MYBL1: variants seen among roughly 807,000 people sequenced by gnomAD.
The protein encoded by MYBL1 is myb-related protein A.
In MYBL1, 17 loss-of-function variants were observed where a neutral mutation model predicts 96.3. The observed-to-expected ratio is 0.18, with a 90% CI of 0.12 to 0.26. The LOEUF (loss-of-function observed/expected upper bound fraction) is 0.26. Ranked by LOEUF, MYBL1 falls within the 10% of genes least tolerant of loss-of-function variation. MYBL1 has a pLI of 1.00. For missense variants in MYBL1, 701 were observed against 882.9 expected (o/e 0.79, Z 2.61); for synonymous variants, 282 against 292.7 (o/e 0.96, Z 0.37).
At chr8:66,597,825 G>A (rs1331848632) in intron 4 of MYBL1, among the ~76,000 whole-genome samples, 1 of 103,652 alleles carries the variant, frequency 9.6e-6, no homozygotes, top group East Asian at 3.3e-4. Context: ...GCTGAAACTT[G>A]TACATTTTCT....
intron 1 of MYBL1, among the ~76,000 whole-genome samples, chr8:66,604,137 C>G (rs184089493): frequency 6.6e-6 from 1 of 152,238 alleles, no homozygotes; most frequent in Admixed American, 6.5e-5. Context: ...AAAAGACCCA[C>G]ATGGAATTTG....
chr8:66,612,757 T>C, intron 1 of MYBL1, 62 bp downstream of exon 1: 9 of 1,335,244 alleles, frequency 6.7e-6, no homozygotes, highest in Non-Finnish European at 8.7e-6. Context: ...GGCAGCGGGA[T>C]AGGAAAGAGA....
intron 8 of MYBL1, among the ~76,000 whole-genome samples, chr8:66,584,955 C>T (rs1233872721): frequency 1.3e-5 from 2 of 151,882 alleles, no homozygotes; most frequent in African/African-American, 2.4e-5. Flanking sequence ...TGAAAATGAC[C>T]ATATTACCAA....
intron 8 of MYBL1, among the ~76,000 whole-genome samples, chr8:66,582,318 C>T (rs866352978): frequency 4.5e-4 from 69 of 151,858 alleles, no homozygotes; most frequent in African/African-American, 1.5e-3. Flanking sequence ...AAGACACATA[C>T]GGACTGAATG....
chr8:66,578,999 A>G (rs1214545803), intron 9 of MYBL1, among the ~76,000 whole-genome samples: 1 of 152,092 alleles, frequency 6.6e-6, no homozygotes, highest in African/African-American at 2.4e-5. Flanking sequence ...CAAACACTGC[A>G]TGTTCTCACT....
intron 9 of MYBL1, among the ~76,000 whole-genome samples, chr8:66,578,407 A>G (rs1017871137): frequency 6.6e-6 from 1 of 152,244 alleles, no homozygotes; most frequent in African/African-American, 2.4e-5. Flanking sequence ...AACCCTATCA[A>G]AAAGTGGGCA....
At chr8:66,575,651 G>C (rs771351249) in intron 10 of MYBL1, among the ~76,000 whole-genome samples, 3 of 152,058 alleles carry the variant, frequency 2.0e-5, no homozygotes, top group Non-Finnish European at 4.4e-5. Context: ...TTAGCTAGGT[G>C]TGGTGGCACG....
intron 8 of MYBL1, among the ~76,000 whole-genome samples, chr8:66,588,336 C>G (rs908319949): frequency 6.8e-6 from 1 of 148,022 alleles, no homozygotes; most frequent in Non-Finnish European, 1.5e-5. Context: ...CTGGAATGCA[C>G]TAGCCCGATC....
intron 4 of MYBL1, 126 bp from the exon 5 acceptor site, chr8:66,597,676 A>G: frequency 1.5e-6 from 1 of 647,644 alleles, no homozygotes; most frequent in African/African-American, 1.8e-5. Flanking sequence ...TTAAAAAAAA[A>G]TTACCAATAA....
At chr8:66,597,920 A>G (rs1179037430) in intron 4 of MYBL1, among the ~76,000 whole-genome samples, 1 of 151,608 alleles carries the variant, frequency 6.6e-6, no homozygotes, top group Admixed American at 6.6e-5. Flanking sequence ...GGAAGCAGAA[A>G]GATTCTACCA....
At chr8:66,600,941 C>A (rs1810042247) in intron 3 of MYBL1, among the ~76,000 whole-genome samples, 2 of 151,762 alleles carry the variant, frequency 1.3e-5, no homozygotes, top group Admixed American at 1.3e-4. Context: ...GAGGCCGAGG[C>A]AGTTAGATCA....
chr8:66,586,244 C>A (rs1208098915), intron 8 of MYBL1, among the ~76,000 whole-genome samples: 3 of 151,852 alleles, frequency 2.0e-5, no homozygotes, highest in African/African-American at 7.3e-5. Flanking sequence ...TGGGGTTTCA[C>A]CATGTTGCCC....
rs1246812801 is a variant in MYBL1, at chr8:66,562,244, T to C, written c.*2453A>G. On this transcript the variant is annotated 3_prime_UTR_variant, in exon 16 of 16. Transcript: ENST00000522677. ...CATTGTATGCAAGATTCTCTTACAA[T>C]GAAGTTTTCCATATATCACAAAACT... 1 of 152,654 alleles carries C rather than the reference T, an allele frequency of 6.6e-6. No individual in the cohort carries two copies. The highest frequency in any genetic ancestry group is 6.5e-5 in the Admixed American group (1 of 15,284). 9.5% of individuals were successfully genotyped at this position (152,654 alleles called of 1,614,324 possible).
intron 10 of MYBL1, 78 bp downstream of exon 10, chr8:66,575,929 T>G (rs1808920287): frequency 1.4e-6 from 2 of 1,415,748 alleles, no homozygotes; most frequent in South Asian, 2.8e-5. Context: ...AGCTACCAAC[T>G]GCTAGTAAGG....
At chr8:66,584,414 A>G (rs571573842) in intron 8 of MYBL1, among the ~76,000 whole-genome samples, 6 of 152,372 alleles carry the variant, frequency 3.9e-5, no homozygotes, top group African/African-American at 1.4e-4. Context: ...CAAAATGGAA[A>G]AAAGGAAGTC....
intron 12 of MYBL1, among the ~76,000 whole-genome samples, chr8:66,567,365 T>C (rs533801391): frequency 1.3e-5 from 2 of 152,368 alleles, no homozygotes; most frequent in African/African-American, 4.8e-5. Context: ...GCTCTTATTC[T>C]ACTTTTATTG....
At chr8:66,589,390 G>A (rs947428881) in intron 8 of MYBL1, among the ~76,000 whole-genome samples, 8 of 151,260 alleles carry the variant, frequency 5.3e-5, no homozygotes, top group Non-Finnish European at 7.4e-5. Context: ...ATAGCTCACC[G>A]CAGCCTCAAA....
chr8:66,600,131 C>CA (rs2129996159), intron 3 of MYBL1, among the ~76,000 whole-genome samples: 1 of 152,306 alleles, frequency 6.6e-6, no homozygotes, highest in African/African-American at 2.4e-5. Context: ...AGAAACATCT[C>CA]AAACTCCAAA....
intron 2 of MYBL1, among the ~76,000 whole-genome samples, chr8:66,602,080 G>A (rs545221053): frequency 9.3e-5 from 14 of 151,212 alleles, no homozygotes; most frequent in Admixed American, 2.6e-4. Context: ...ATGGAGTCTC[G>A]CTCTGTCACC....
Sources: allele counts gnomAD v4.1 joint callset (sites outside exome capture counted in the v4.1 genomes callset), GRCh38; gene constraint gnomAD v4.1.1; transcripts MANE v1.5; gene names NCBI Gene and HGNC (gene_info 2026-07-23, HGNC 2026-07-21).